GPHN: variants seen among roughly 807,000 people sequenced by gnomAD.
GPHN encodes the protein gephyrin.
In GPHN, 17 loss-of-function variants were observed where a neutral mutation model predicts 95.5. The observed-to-expected ratio is 0.18, with a 90% CI of 0.12 to 0.27. GPHN has a LOEUF of 0.27. Among genes scored for constraint, GPHN ranks in the 10% least tolerant of loss-of-function variants. The pLI, the probability that GPHN is intolerant of heterozygous loss-of-function variation, is 1.00. For synonymous variants in GPHN, 320 were observed against 322.5 expected (o/e 0.99, Z 0.08); for missense variants, 660 against 978.1 (o/e 0.67, Z 4.34).
At chr14:66,653,940 G>C (rs1487393675) in intron 1 of GPHN, among the ~76,000 whole-genome samples, 1 of 152,038 alleles carries the variant, frequency 6.6e-6, no homozygotes, top group Middle Eastern at 3.2e-3. Flanking sequence ...AATGTCCAGG[G>C]GTGCAATAGC....
At chr14:66,590,108 A>C (rs2061579541) in intron 1 of GPHN, among the ~76,000 whole-genome samples, 1 of 152,198 alleles carries the variant, frequency 6.6e-6, no homozygotes, top group Non-Finnish European at 1.5e-5. Context: ...GGCAGAAATC[A>C]GTAAGTTCTT....
At chr14:67,109,546 G>A (rs1286919108) in intron 13 of GPHN, among the ~76,000 whole-genome samples, 1 of 152,180 alleles carries the variant, frequency 6.6e-6, no homozygotes, top group African/African-American at 2.4e-5. Flanking sequence ...GGTCATTACA[G>A]ACACTGGAAT....
intron 5 of GPHN, among the ~76,000 whole-genome samples, chr14:66,914,808 G>A (rs1352536587): frequency 1.3e-5 from 2 of 151,938 alleles, no homozygotes; most frequent in Admixed American, 1.3e-4. Context: ...CTAAAATGTA[G>A]CATTTTAGTT....
intron 10 of GPHN, among the ~76,000 whole-genome samples, chr14:67,025,030 C>T (rs1190970211): frequency 1.3e-5 from 2 of 152,124 alleles, no homozygotes; most frequent in Non-Finnish European, 1.5e-5. Flanking sequence ...CCCTTTGAAC[C>T]TCCAATTTAG....
the GPHN span, among the ~76,000 whole-genome samples, chr14:67,538,370 T>C: frequency 6.6e-6 from 1 of 152,266 alleles, no homozygotes; most frequent in African/African-American, 2.4e-5. Context: ...TTTTCTCATC[T>C]GTTCATTGTG....
chr14:67,360,277 T>C, the GPHN span: 1 of 399,002 alleles, frequency 2.5e-6, no homozygotes, highest in Non-Finnish European at 4.4e-6. Flanking sequence ...TGGTTAATGA[T>C]GAAGAGGGGC....
the GPHN span, among the ~76,000 whole-genome samples, chr14:67,323,232 C>CATGTGTGTGT: frequency 2.0e-3 from 283 of 143,614 alleles, 1 homozygote; most frequent in African/African-American, 6.9e-3. Context: ...CATATATACA[C>CATGTGTGTGT]GTGTGTGTGT....
the GPHN span, chr14:67,600,133 G>T: frequency 1.9e-6 from 3 of 1,595,770 alleles, no homozygotes; most frequent in East Asian, 2.3e-5. Context: ...CCGGCAGGAC[G>T]GGGAGTAGTA....
At chr14:67,697,549 T>A in the GPHN span, among the ~76,000 whole-genome samples, 4 of 152,204 alleles carry the variant, frequency 2.6e-5, no homozygotes, top group Non-Finnish European at 4.4e-5. Flanking sequence ...ATATATATAT[T>A]AACTCTTAAT....
intron 1 of GPHN, among the ~76,000 whole-genome samples, chr14:66,567,321 C>T (rs1223626445): frequency 2.0e-5 from 3 of 152,148 alleles, no homozygotes; most frequent in African/African-American, 7.2e-5. Context: ...AGCAGTGGCT[C>T]TAATGCTAGG....
At chr14:66,929,216 CA>C (rs1413224928) in intron 8 of GPHN, among the ~76,000 whole-genome samples, 8 of 151,914 alleles carry the variant, frequency 5.3e-5, no homozygotes, top group Admixed American at 2.0e-4. Context: ...CCACCGTGCC[CA>C]GCTAATTTTT....
chr14:66,816,807 C>T (rs1361567562), intron 3 of GPHN, among the ~76,000 whole-genome samples: 1 of 152,058 alleles, frequency 6.6e-6, no homozygotes, highest in Non-Finnish European at 1.5e-5. Context: ...AAAATCAAAG[C>T]TGAACTCAAA....
the GPHN span, chr14:67,227,383 T>C: frequency 1.4e-5 from 2 of 147,350 alleles, no homozygotes; most frequent in Non-Finnish European, 3.0e-5. Context: ...GAGGTTGCAC[T>C]GAGCCGAGAT....
chr14:67,627,928 TCTTTGA>T, the GPHN span, among the ~76,000 whole-genome samples: 69 of 152,358 alleles, frequency 4.5e-4, no homozygotes, highest in African/African-American at 1.6e-3. Context: ...AGTTCTGGGT[TCTTTGA>T]CTTCTAAAGT....
At chr14:67,362,303 A>G in the GPHN span, among the ~76,000 whole-genome samples, 2 of 152,108 alleles carry the variant, frequency 1.3e-5, no homozygotes, top group African/African-American at 4.8e-5. Flanking sequence ...TACAGGTGTG[A>G]GCCACTGCGC....
intron 6 of GPHN, among the ~76,000 whole-genome samples, chr14:66,919,628 GC>G (rs2066100083): frequency 6.6e-6 from 1 of 152,160 alleles, no homozygotes; most frequent in African/African-American, 2.4e-5. Flanking sequence ...CAATCTTGTG[GC>G]CACTTTGACA....
the GPHN span, among the ~76,000 whole-genome samples, chr14:67,639,339 T>C: frequency 2.0e-5 from 3 of 152,192 alleles, no homozygotes; most frequent in Non-Finnish European, 2.9e-5. Flanking sequence ...TTCTTGGTCC[T>C]ATGAGGATTG....
At chr14:66,981,712 CA>C (rs1209749505) in intron 9 of GPHN, among the ~76,000 whole-genome samples, 1 of 152,052 alleles carries the variant, frequency 6.6e-6, no homozygotes, top group Non-Finnish European at 1.5e-5. Flanking sequence ...TTAGCACAAA[CA>C]AACAGAAAGA....
At chr14:67,569,774 G>A in the GPHN span, 1 of 645,112 alleles carries the variant, frequency 1.6e-6, no homozygotes, top group Non-Finnish European at 2.8e-6. Context: ...GTCAAGGGGA[G>A]AAGATGAACA....
Sources: gnomAD v4.1 joint callset for allele counts (sites outside exome capture counted in the v4.1 genomes callset) on GRCh38, gnomAD v4.1.1 for gene constraint, MANE v1.5 for transcripts, NCBI Gene and HGNC (gene_info 2026-07-23, HGNC 2026-07-21) for gene names.